RNF214: variants seen among roughly 807,000 people sequenced by gnomAD.
RNF214 encodes ring finger protein 214.
A neutral mutation model predicts 75.9 loss-of-function variants in RNF214; 25 were observed. The ratio of observed to expected loss-of-function variants is 0.33; its 90% CI spans 0.24 to 0.46. RNF214 has a LOEUF of 0.46. RNF214 is among the 20% of genes least tolerant of loss of function. The pLI, the probability that RNF214 is intolerant of heterozygous loss-of-function variation, is 1.00. For missense variants in RNF214, 725 were observed against 857.5 expected, an observed-to-expected ratio of 0.85 and a Z score of 1.93; for synonymous variants, 314 against 308.8, an observed-to-expected ratio of 1.02 and a Z score of -0.18.
At chr11:117,258,721 A>G (rs1348862740) in intron 6 of RNF214, among the ~76,000 whole-genome samples, 1 of 152,134 alleles carries the variant, frequency 6.6e-6, no homozygotes, top group East Asian at 1.9e-4. Context: ...TATAAAATAC[A>G]TTACTGTTAA....
intron 3 of RNF214, chr11:117,239,492 C>T (rs1030043468): frequency 2.6e-5 from 12 of 459,240 alleles, no homozygotes; most frequent in East Asian, 1.3e-4. Flanking sequence ...CTTCTAGTGA[C>T]GGGTGTGCTT....
At chr11:117,265,662 G>C (rs672177) in intron 6 of RNF214, among the ~76,000 whole-genome samples, 108,935 of 152,134 alleles carry the variant, frequency 0.72, 40,498 homozygotes, top group East Asian at 0.95. Flanking sequence ...TGATCCGCTC[G>C]CCTTGGCCTC....
chr11:117,265,331 T>G (rs1266079770), intron 6 of RNF214, among the ~76,000 whole-genome samples: 1 of 152,222 alleles, frequency 6.6e-6, no homozygotes, highest in African/African-American at 2.4e-5. Context: ...TCAGAAAGAT[T>G]TATAATTTTC....
intron 6 of RNF214, among the ~76,000 whole-genome samples, chr11:117,264,540 T>A (rs1228284010): frequency 6.6e-6 from 1 of 152,124 alleles, no homozygotes; most frequent in Non-Finnish European, 1.5e-5. Flanking sequence ...AAAAAAATTG[T>A]TTTAAGTTGT....
rs1476761332 is a variant in RNF214 at position 117,281,936 on chromosome 11, G to C, written c.1378G>C (p.Ala460Pro). The C allele has an allele frequency of 4.3e-6, 7 of 1,613,822 alleles. No individual in the cohort carries two copies. Among genetic ancestry groups the C allele is most frequent in the Non-Finnish European group, 5.9e-6 (7 of 1,179,980 alleles). ...LQVFQPSPSL[A>P]PRMPFSIGQV... is the part of the protein sequence containing the mutation. Reference sequence around the variant, plus strand: ...GGTGTTTCAACCCAGTCCCTCTCTGGCTCCTCGGATGCCCTTCTCCATTGG... The same window carrying C: ...GGTGTTTCAACCCAGTCCCTCTCTGCCTCCTCGGATGCCCTTCTCCATTGG... The change falls in exon 11 of 15, where the codon GCT becomes CCT. Residue 460 changes from alanine to proline, a missense_variant. Ala to Pro is a conservative substitution (Grantham distance 27, BLOSUM62 -1). Coordinates refer to ENST00000300650, the MANE Select transcript of RNF214 (RefSeq NM_207343.4).
intron 2 of RNF214, among the ~76,000 whole-genome samples, chr11:117,236,899 A>G (rs1434900273): frequency 6.6e-6 from 1 of 152,214 alleles, no homozygotes; most frequent in Non-Finnish European, 1.5e-5. Context: ...AATCCTCACA[A>G]CAGTCTTGTT....
chr11:117,248,224 C>T (rs1197597322), intron 6 of RNF214, among the ~76,000 whole-genome samples: 2 of 152,136 alleles, frequency 1.3e-5, no homozygotes, highest in African/African-American at 2.4e-5. Context: ...TACAGGCGCC[C>T]GCCACCATGC....
Position 117,285,219 on chromosome 11 carries a change from A to G in RNF214, c.*68A>G. On this transcript the variant is annotated 3_prime_UTR_variant, in exon 15 of 15. Transcript: ENST00000300650. Reference sequence around the variant, plus strand: ...CAGGAAGCGCGGGTTCAAGATTTCTAAAACTCTATATTTATACAGTGACAT... The same window carrying G: ...CAGGAAGCGCGGGTTCAAGATTTCTGAAACTCTATATTTATACAGTGACAT... 2 of 1,043,876 alleles carry G rather than the reference A, an allele frequency of 1.9e-6. No individual in the cohort carries two copies. The highest frequency in any genetic ancestry group is 2.4e-5 in the East Asian group (1 of 42,212). The allele number at this position is 1,043,876 out of a possible 1,614,324, so 64.7% of individuals were successfully genotyped here.
intron 3 of RNF214, chr11:117,239,472 T>C (rs778997164): frequency 3.5e-5 from 16 of 456,782 alleles, no homozygotes; most frequent in Non-Finnish European, 6.3e-5. Flanking sequence ...AGAAGTACAG[T>C]GTATCCTGCC....
At chr11:117,273,669 A>C (rs1233532762) in intron 6 of RNF214, among the ~76,000 whole-genome samples, 1 of 152,172 alleles carries the variant, frequency 6.6e-6, no homozygotes, top group Non-Finnish European at 1.5e-5. Flanking sequence ...AGGACATGGG[A>C]GGAGACCCTC....
intron 4 of RNF214, among the ~76,000 whole-genome samples, chr11:117,242,474 A>T (rs557364040): frequency 1.3e-5 from 2 of 152,352 alleles, no homozygotes; most frequent in South Asian, 4.1e-4. Flanking sequence ...ATGGAAACCC[A>T]GCAAGTTACT....
At chr11:117,257,628 G>A (rs1313770122) in intron 6 of RNF214, among the ~76,000 whole-genome samples, 1 of 152,080 alleles carries the variant, frequency 6.6e-6, no homozygotes, top group Non-Finnish European at 1.5e-5. Context: ...AATTTTTGGT[G>A]GGAAAATAGA....
At chr11:117,254,655 G>A (rs145441921) in intron 6 of RNF214, among the ~76,000 whole-genome samples, 4 of 150,156 alleles carry the variant, frequency 2.7e-5, no homozygotes, top group South Asian at 4.2e-4. Flanking sequence ...ACAGAGTCTC[G>A]CTCTGTCACC....
At chr11:117,244,781 T>C (rs940189940) in intron 5 of RNF214, among the ~76,000 whole-genome samples, 196 bp downstream of exon 5, 2 of 151,984 alleles carry the variant, frequency 1.3e-5, no homozygotes, top group African/African-American at 4.8e-5. Flanking sequence ...TCTTCCCACC[T>C]CAGCCTCCCA....
intron 6 of RNF214, among the ~76,000 whole-genome samples, chr11:117,278,179 C>A (rs1290305315): frequency 6.6e-6 from 1 of 151,788 alleles, no homozygotes; most frequent in African/African-American, 2.4e-5. Flanking sequence ...TGGCACGTGC[C>A]TGTAGTACCA....
intron 6 of RNF214, among the ~76,000 whole-genome samples, chr11:117,279,117 A>G (rs949679265): frequency 7.9e-5 from 12 of 151,964 alleles, no homozygotes; most frequent in Non-Finnish European, 1.6e-4. Context: ...ACAAACAAAA[A>G]AGTGGACCCC....
intron 6 of RNF214, among the ~76,000 whole-genome samples, chr11:117,259,410 C>A (rs2033604720): frequency 6.6e-6 from 1 of 152,160 alleles, no homozygotes; most frequent in Non-Finnish European, 1.5e-5. Flanking sequence ...CAAACATATT[C>A]TTTTATTTCT....
rs1346409827 is a variant in RNF214, at chr11:117,285,622, C to T, written c.*471C>T. The stretch of plus-strand genomic sequence containing the variant: ...GCTTACCGAAAGCCTCCAGAAGCCT[C>T]AGTATTGTTTTAGCCACTCTACTCC... On this transcript the variant is annotated 3_prime_UTR_variant, in exon 15 of 15. Coordinates refer to ENST00000300650, the MANE Select transcript of RNF214 (RefSeq NM_207343.4). The T allele has an allele frequency of 1.3e-5, 2 of 153,382 alleles. No individual in the cohort carries two copies. The highest frequency in any genetic ancestry group is 2.9e-5 in the Non-Finnish European group (2 of 68,726). The allele number at this position is 153,382 out of a possible 1,614,324, so 9.5% of individuals were successfully genotyped here. A position where few individuals can be genotyped will look rare whatever the true frequency, so the allele number is the denominator to read the frequency against.
intron 4 of RNF214, among the ~76,000 whole-genome samples, chr11:117,243,049 T>G (rs1029286568): frequency 1.3e-5 from 2 of 152,244 alleles, no homozygotes; most frequent in African/African-American, 4.8e-5. Context: ...ATCAGCTGTT[T>G]GGGACACATT....
Sources: gnomAD v4.1 joint callset for allele counts (sites outside exome capture counted in the v4.1 genomes callset) on GRCh38, gnomAD v4.1.1 for gene constraint, MANE v1.5 for transcripts, NCBI Gene and HGNC (gene_info 2026-07-23, HGNC 2026-07-21) for gene names.